The following MBNL2 variants were observed in gnomAD, a reference collection of about 807,000 sequenced individuals.
MBNL2 encodes the protein muscleblind-like protein 2.
A neutral mutation model predicts 41.9 loss-of-function variants in MBNL2; 17 were observed. The observed-to-expected ratio is 0.41, with a 90% confidence interval of 0.28 to 0.61. The LOEUF (loss-of-function observed/expected upper bound fraction) is 0.61. Ranked by LOEUF, MBNL2 falls within the 20% of genes least tolerant of loss-of-function variation. The pLI is 0.35. For missense variants in MBNL2, 336 were observed against 505.6 expected (o/e 0.66, Z 3.22); for synonymous variants, 195 against 182.9 (o/e 1.07, Z -0.53).
At chr13:97,216,881 C>T (rs959421770), upstream of MBNL2, among the ~76,000 whole-genome samples, 35 of 150,860 alleles carry the variant, frequency 2.3e-4, no homozygotes, top group Non-Finnish European at 4.3e-4. Flanking sequence ...TATATTATTA[C>T]ATATGTAGTA....
chr13:97,243,283 C>CTTAT (rs1382803432), intron 1 of MBNL2, among the ~76,000 whole-genome samples: 1 of 152,208 alleles, frequency 6.6e-6, no homozygotes, highest in African/African-American at 2.4e-5. Flanking sequence ...CTCCTGACGG[C>CTTAT]TTATTTATTT....
chr13:97,160,870 A>G, the MBNL2 span, among the ~76,000 whole-genome samples: 1 of 152,182 alleles, frequency 6.6e-6, no homozygotes. Flanking sequence ...CTAACACTAT[A>G]GTTTGGGCAA....
chr13:97,219,904 A>C (rs1258428298), upstream of MBNL2, among the ~76,000 whole-genome samples: 1 of 152,258 alleles, frequency 6.6e-6, no homozygotes, highest in African/African-American at 2.4e-5. Context: ...ATGATAAAAG[A>C]TACCGATAGC....
the MBNL2 span, among the ~76,000 whole-genome samples, chr13:97,160,001 T>G: frequency 1.3e-5 from 2 of 152,110 alleles, no homozygotes; most frequent in Non-Finnish European, 2.9e-5. Context: ...TTTTCCAACT[T>G]CGTTCCATTC....
At chr13:97,197,784 T>C in the MBNL2 span, among the ~76,000 whole-genome samples, 1 of 152,232 alleles carries the variant, frequency 6.6e-6, no homozygotes, top group Non-Finnish European at 1.5e-5. Context: ...GGGATCCAAT[T>C]AAACAGTTAA....
intron 4 of MBNL2, 128 bp downstream of exon 4, chr13:97,343,344 C>T (rs1391485548): frequency 2.9e-6 from 2 of 685,946 alleles, no homozygotes; most frequent in Non-Finnish European, 4.9e-6. Context: ...CACAAACTCA[C>T]CTAAAACCCA....
chr13:97,218,440 C>CAAAAAAAAAAAAAAAAAAAAAAAAAAA (rs372883729), upstream of MBNL2, among the ~76,000 whole-genome samples: 1 of 117,970 alleles, frequency 8.5e-6, no homozygotes, highest in African/African-American at 3.4e-5. Flanking sequence ...CAAAACAAAA[C>CAAAAAAAAAAAAAAAAAAAAAAAAAAA]AAAAAAAAAA....
At chr13:97,288,447 GA>G (rs1183718367) in intron 2 of MBNL2, among the ~76,000 whole-genome samples, 2 of 152,206 alleles carry the variant, frequency 1.3e-5, no homozygotes, top group Non-Finnish European at 2.9e-5. Flanking sequence ...GGTGGGGAAG[GA>G]AAGAGCCCAA....
chr13:97,154,793 G>A, the MBNL2 span, among the ~76,000 whole-genome samples: 240 of 22,182 alleles, frequency 0.011, no homozygotes, highest in East Asian at 0.054. Flanking sequence ...AATGGTATAA[G>A]GATGGATGGA....
At chr13:97,228,650 C>T (rs1276172809) in intron 1 of MBNL2, among the ~76,000 whole-genome samples, 1 of 151,764 alleles carries the variant, frequency 6.6e-6, no homozygotes, top group Non-Finnish European at 1.5e-5. Flanking sequence ...CTGCCTCAGC[C>T]TCCCAAGTAG....
the MBNL2 span, among the ~76,000 whole-genome samples, chr13:97,188,790 C>T: frequency 1.3e-5 from 2 of 152,194 alleles, no homozygotes; most frequent in Non-Finnish European, 2.9e-5. Context: ...TGATTCCTAT[C>T]AATCTGTCTC....
chr13:97,180,677 G>C, the MBNL2 span, among the ~76,000 whole-genome samples: 2 of 148,882 alleles, frequency 1.3e-5, no homozygotes, highest in Non-Finnish European at 3.0e-5. Context: ...GGGAGGCAGA[G>C]GTTGCAGTGA....
At chr13:97,357,413 G>C (rs2063084420) in intron 6 of MBNL2, 69 bp from the exon 7 acceptor site, 1 of 1,299,944 alleles carries the variant, frequency 7.7e-7, no homozygotes, top group African/African-American at 1.5e-5. Flanking sequence ...TGCAATTGAT[G>C]ATCTCTGTGA....
At chr13:97,358,457 G>GA (rs1268580696) in intron 7 of MBNL2, among the ~76,000 whole-genome samples, 1 of 151,532 alleles carries the variant, frequency 6.6e-6, no homozygotes, top group Non-Finnish European at 1.5e-5. Context: ...GAGTTCTCCT[G>GA]AAAAAAGAAA....
chr13:97,210,709 T>C, the MBNL2 span, among the ~76,000 whole-genome samples: 5 of 148,694 alleles, frequency 3.4e-5, no homozygotes, highest in East Asian at 1.0e-3. Context: ...TCTCATGCCT[T>C]AACCTCCCAA....
chr13:97,373,174 T>C (rs550747502), intron 8 of MBNL2, among the ~76,000 whole-genome samples: 6 of 152,262 alleles, frequency 3.9e-5, no homozygotes, highest in Non-Finnish European at 7.4e-5. Flanking sequence ...CCCACGTATG[T>C]TGTTCTCCAA....
At chr13:97,375,442 G>A (rs560401824) in intron 8 of MBNL2, among the ~76,000 whole-genome samples, 1 of 152,336 alleles carries the variant, frequency 6.6e-6, no homozygotes, top group African/African-American at 2.4e-5. Context: ...AGTGTCATAG[G>A]TCTGAGGGGT....
At chr13:97,232,840 C>T (rs2042565898) in intron 1 of MBNL2, among the ~76,000 whole-genome samples, 1 of 137,312 alleles carries the variant, frequency 7.3e-6, no homozygotes, top group Non-Finnish European at 1.5e-5. Flanking sequence ...CTTTTTCTTA[C>T]TCTTGACGCT....
intron 1 of MBNL2, among the ~76,000 whole-genome samples, chr13:97,226,750 A>G (rs532397415): frequency 1.3e-5 from 2 of 152,200 alleles, no homozygotes; most frequent in Admixed American, 6.5e-5. Flanking sequence ...ATAGATAGAT[A>G]AGAATGGTGC....
Sources: allele counts gnomAD v4.1 joint callset (sites outside exome capture counted in the v4.1 genomes callset), GRCh38; gene constraint gnomAD v4.1.1; transcripts MANE v1.5; gene names NCBI Gene and HGNC (gene_info 2026-07-23, HGNC 2026-07-21).